SLC6A11: variants seen among roughly 807,000 people sequenced by gnomAD.
SLC6A11 encodes solute carrier family 6 member 11.
In SLC6A11, 25 loss-of-function variants were observed where a neutral mutation model predicts 74.8. The observed-to-expected ratio is 0.33, with a 90% CI of 0.24 to 0.47. The LOEUF is 0.47. Ranked by LOEUF, SLC6A11 falls within the 20% of genes least tolerant of loss-of-function variation. The probability of loss-of-function intolerance (pLI) is 1.00; values close to 1 mark genes in which losing one functional copy is unlikely to be tolerated. For missense variants in SLC6A11, 574 were observed against 837.0 expected (o/e 0.69, Z 3.88); for synonymous variants, 330 against 330.2 (o/e 1.00, Z 0.01).
rs78085351 is a variant in SLC6A11 at position 10,911,457 on chromosome 3, A to T, written c.892-633A>T. Among the ~76,000 whole-genome samples the T allele has an allele frequency of 2.6e-5, 4 of 152,284 alleles. No homozygotes were observed. In the South Asian group the frequency reaches 8.3e-4, roughly 32 times the overall value. On this transcript the variant is annotated intron_variant, in intron 6 of 13. Coordinates refer to ENST00000254488, the MANE Select transcript of SLC6A11 (RefSeq NM_014229.3). The stretch of plus-strand genomic sequence containing the variant: ...GGAAAGTAGTTATCTTGTGTACCAC[A>T]TAGGAAGCCTAGAGGGGGGGAGTCT...
rs867286398 is a variant in SLC6A11 at position 10,821,892 on chromosome 3, A to G, written c.533-1410A>G. Among the ~76,000 whole-genome samples the G allele has an allele frequency of 2.2e-4, 34 of 152,334 alleles. No homozygotes were observed. In the Middle Eastern group the frequency reaches 0.027, roughly 122 times the overall value. ...AAAGTCAAGGTCTCCTCTCTCCAGA[A>G]AAAGGCACAGGACACATTCAGAAAT... On this transcript the variant is annotated intron_variant, in intron 3 of 13. Transcript: ENST00000254488.
In SLC6A11 at chr3:10,918,868, T is replaced by C. The variant is rs574920935; in HGVS notation, c.1120+415T>C. On this transcript the variant is annotated intron_variant, in intron 8 of 13. Coordinates refer to ENST00000254488, the MANE Select transcript of SLC6A11 (RefSeq NM_014229.3). This position sits in a 1 kb window ranked among gnomAD's most constrained non-coding sequence, Gnocchi z 4.5. ...TCAAAATGCAAATTTGAACATGTCT[T>C]CTCTGATGAAAAGCCTTTCTTGGCT... Among the ~76,000 whole-genome samples, 1 of 152,114 alleles carries C rather than the reference T, an allele frequency of 6.6e-6. No individual in the cohort carries two copies. The highest frequency in any genetic ancestry group is 6.5e-5 in the Admixed American group (1 of 15,286).
chr3:10,873,173 C>T (rs796152883), intron 5 of SLC6A11, among the ~76,000 whole-genome samples: 2 of 152,264 alleles, frequency 1.3e-5, no homozygotes, highest in African/African-American at 4.8e-5. Context: ...CGCTCTTGTG[C>T]GAGGAAGCTC....
chr3:10,846,638 T>C (rs1446326925), intron 5 of SLC6A11, among the ~76,000 whole-genome samples: 2 of 152,144 alleles, frequency 1.3e-5, no homozygotes, highest in Non-Finnish European at 2.9e-5. Flanking sequence ...GGAACTGAGT[T>C]TGAGGAAGGG....
intron 13 of SLC6A11, 154 bp downstream of exon 13, chr3:10,935,353 GGTT>G: frequency 1.5e-6 from 1 of 663,482 alleles, no homozygotes; most frequent in Non-Finnish European, 2.6e-6. Context: ...TCAGTATCAT[GGTT>G]GTGCCCAAGG....
At chr3:10,897,129 C>G (rs1310760538) in intron 6 of SLC6A11, among the ~76,000 whole-genome samples, 1 of 152,112 alleles carries the variant, frequency 6.6e-6, no homozygotes, top group African/African-American at 2.4e-5. Flanking sequence ...GGAACTGCCC[C>G]CATGATTCAA....
In SLC6A11 at chr3:10,936,231, C is replaced by G. The variant is rs79833562; in HGVS notation, c.1746+1032C>G. ...CTAGGGGGGTGGAGATTCTTTTTGT[C>G]TCCATGGATGAAGAAACTGAAGTAC... On this transcript the variant is annotated intron_variant, in intron 13 of 13. Transcript: ENST00000254488. 0.015 allele frequency among the ~76,000 whole-genome samples: 2,295 copies of G among 152,330 alleles called. 82 individuals are homozygous for G. In the East Asian group the frequency reaches 0.16, roughly 11 times the overall value.
intron 6 of SLC6A11, among the ~76,000 whole-genome samples, chr3:10,891,273 T>C (rs1034862710): frequency 6.6e-6 from 1 of 152,262 alleles, no homozygotes; most frequent in Non-Finnish European, 1.5e-5. Context: ...TAAAAGGCTG[T>C]GATTTAAAAT....
chr3:10,900,290 T>A (rs1575694963), intron 6 of SLC6A11, among the ~76,000 whole-genome samples: 1 of 152,222 alleles, frequency 6.6e-6, no homozygotes, highest in East Asian at 1.9e-4. Flanking sequence ...CTTTGAGCAC[T>A]CCTTTCCTGT....
At chr3:10,889,163 G>A (rs887722411) in intron 6 of SLC6A11, among the ~76,000 whole-genome samples, 3 of 152,002 alleles carry the variant, frequency 2.0e-5, no homozygotes, top group Admixed American at 6.5e-5. Context: ...GGTACAGAAA[G>A]CTCCCATATA....
intron 8 of SLC6A11, among the ~76,000 whole-genome samples, chr3:10,922,567 G>C (rs1417959437): frequency 6.6e-6 from 1 of 152,130 alleles, no homozygotes; most frequent in South Asian, 2.1e-4. Context: ...GTTACCTTCA[G>C]GGGTGGTCGG....
At chr3:10,855,740 T>G (rs1694631571) in intron 5 of SLC6A11, among the ~76,000 whole-genome samples, 1 of 152,178 alleles carries the variant, frequency 6.6e-6, no homozygotes. Context: ...AACGTGACCC[T>G]GGGGAGCCAG....
intron 5 of SLC6A11, among the ~76,000 whole-genome samples, chr3:10,868,340 A>T (rs1388696968): frequency 1.3e-5 from 2 of 152,194 alleles, no homozygotes; most frequent in Non-Finnish European, 2.9e-5. Flanking sequence ...TGTTTGTGGC[A>T]TTCCAAATGA....
At chr3:10,867,023 T>G (rs1694770740) in intron 5 of SLC6A11, among the ~76,000 whole-genome samples, 1 of 152,162 alleles carries the variant, frequency 6.6e-6, no homozygotes, top group South Asian at 2.1e-4. Flanking sequence ...TCAGTTAATA[T>G]TTAAAAGAGT....
At chr3:10,866,147 C>T (rs994403560) in intron 5 of SLC6A11, among the ~76,000 whole-genome samples, 1 of 152,192 alleles carries the variant, frequency 6.6e-6, no homozygotes, top group African/African-American at 2.4e-5. Flanking sequence ...TAGGGTGTTG[C>T]CCTCATTTAC....
At chr3:10,899,186 T>C (rs1327418176) in intron 6 of SLC6A11, among the ~76,000 whole-genome samples, 3 of 152,148 alleles carry the variant, frequency 2.0e-5, no homozygotes, top group Non-Finnish European at 4.4e-5. Context: ...AGCCAAACCA[T>C]ATCAATGCAG....
chr3:10,852,235 G>A (rs963742806), intron 5 of SLC6A11, among the ~76,000 whole-genome samples: 10 of 152,226 alleles, frequency 6.6e-5, no homozygotes, highest in African/African-American at 1.9e-4. Flanking sequence ...AAACTAGAAC[G>A]TTCATGAGAT....
At chr3:10,887,945 G>T (rs1211816731) in intron 6 of SLC6A11, among the ~76,000 whole-genome samples, 5 of 152,218 alleles carry the variant, frequency 3.3e-5, no homozygotes, top group African/African-American at 7.2e-5. Flanking sequence ...TAAGAACCTT[G>T]ACTGCAAAGC....
intron 4 of SLC6A11, among the ~76,000 whole-genome samples, chr3:10,842,139 T>C (rs1304369072): frequency 6.6e-6 from 1 of 152,208 alleles, no homozygotes; most frequent in Non-Finnish European, 1.5e-5. Flanking sequence ...GCCGGTGTAT[T>C]TCTCTGGGGA....
Sources: allele counts gnomAD v4.1 joint callset (sites outside exome capture counted in the v4.1 genomes callset), GRCh38; gene constraint gnomAD v4.1.1; non-coding constraint Gnocchi (gnomAD v3.1); transcripts MANE v1.5; gene names NCBI Gene and HGNC (gene_info 2026-07-23, HGNC 2026-07-21).